The following FSTL4 variants were observed in gnomAD, a reference collection of about 807,000 sequenced individuals.
The protein encoded by FSTL4 is follistatin like 4, also known as follistatin-related protein 4.
Under a neutral mutation model 78.2 loss-of-function variants are expected in FSTL4, and 28 were observed. That is an observed-to-expected ratio of 0.36 (90% confidence interval 0.27 to 0.49). FSTL4 has a LOEUF of 0.49. FSTL4 is among the 20% of genes least tolerant of loss of function. The pLI is 0.98. For synonymous variants in FSTL4, 422 were observed against 440.5 expected (o/e 0.96, Z 0.53); for missense variants, 922 against 1,084.9 (o/e 0.85, Z 2.11).
Position 133,400,909 on chromosome 5 carries a change from T to A in FSTL4, c.238A>T (p.Arg80Trp), listed in dbSNP as rs770671021. The A allele has an allele frequency of 1.1e-5, 17 of 1,613,642 alleles. No individual in the cohort carries two copies. The African/African-American group carries it at 2.3e-4, about 22-fold the overall frequency. ...CSRGSRCVLSRKTGEPECQCL... is the reference protein window; with the variant it reads ...CSRGSRCVLSWKTGEPECQCL... ...TGGCATTCGGGCTCCCCTGTCTTCC[T>A]GCTGAGCACGCACCGGCTCCCTCGG... The change falls in exon 4 of 16, where the codon AGG becomes TGG. Residue 80 changes from arginine (R) to tryptophan (W), a missense_variant. Physicochemically the swap from Arg to Trp is moderately radical, Grantham distance 101 (BLOSUM62 -3). Coordinates refer to ENST00000265342, the MANE Select transcript of FSTL4 (RefSeq NM_015082.2).
At chr5:133,769,558 CA>C in the FSTL4 span, among the ~76,000 whole-genome samples, 1 of 152,172 alleles carries the variant, frequency 6.6e-6, no homozygotes, top group Non-Finnish European at 1.5e-5. Flanking sequence ...TCATCAGTGG[CA>C]AAGCTAGAGC....
chr5:133,349,097 G>A (rs970389214), intron 4 of FSTL4, among the ~76,000 whole-genome samples: 7 of 152,156 alleles, frequency 4.6e-5, no homozygotes, highest in African/African-American at 1.7e-4. Context: ...GTGTCCTCGT[G>A]AAAATAAATA....
chr5:133,467,564 C>T (rs1268456591), intron 3 of FSTL4, among the ~76,000 whole-genome samples: 2 of 152,168 alleles, frequency 1.3e-5, no homozygotes, highest in Non-Finnish European at 2.9e-5. Flanking sequence ...GTGACCTCAG[C>T]AGGGGCTGCT....
At chr5:133,330,585 C>T (rs1754321824) in intron 4 of FSTL4, among the ~76,000 whole-genome samples, 1 of 152,194 alleles carries the variant, frequency 6.6e-6, no homozygotes, top group African/African-American at 2.4e-5. Flanking sequence ...ACCTCCAACA[C>T]TGGGGATTGC....
At chr5:133,714,456 AG>A in the FSTL4 span, among the ~76,000 whole-genome samples, 1 of 152,236 alleles carries the variant, frequency 6.6e-6, no homozygotes, top group Non-Finnish European at 1.5e-5. Context: ...CGATCTCACC[AG>A]GAAGATGAGA....
chr5:133,331,308 T>A (rs1042037628), intron 4 of FSTL4, among the ~76,000 whole-genome samples: 3 of 152,092 alleles, frequency 2.0e-5, no homozygotes, highest in Non-Finnish European at 4.4e-5. Context: ...ATGGTGTTTT[T>A]CTCTCCTCTG....
At chr5:133,220,017 C>T (rs1751039647) in intron 12 of FSTL4, among the ~76,000 whole-genome samples, 1 of 152,230 alleles carries the variant, frequency 6.6e-6, no homozygotes, top group South Asian at 2.1e-4. Context: ...TGAGATATAC[C>T]AATAGCTAGC....
At chr5:133,403,000 C>G (rs894951953) in intron 3 of FSTL4, among the ~76,000 whole-genome samples, 1 of 152,214 alleles carries the variant, frequency 6.6e-6, no homozygotes, top group East Asian at 1.9e-4. Context: ...GCCCCCCACT[C>G]ACGGTGTTTA....
chr5:133,594,331 C>T (rs1345198905), intron 2 of FSTL4, among the ~76,000 whole-genome samples: 4 of 152,222 alleles, frequency 2.6e-5, no homozygotes, highest in Admixed American at 1.3e-4. Context: ...GCTGGGATTA[C>T]AGGTGTGTGC....
chr5:133,710,678 G>C, the FSTL4 span, among the ~76,000 whole-genome samples: 1 of 152,218 alleles, frequency 6.6e-6, no homozygotes, highest in Non-Finnish European at 1.5e-5. Context: ...TGGTTAAAAA[G>C]CATGACCCTG....
At chr5:133,204,852 A>ATC (rs1554095517) in intron 14 of FSTL4, among the ~76,000 whole-genome samples, 1 of 151,228 alleles carries the variant, frequency 6.6e-6, no homozygotes, top group Non-Finnish European at 1.5e-5. Context: ...AAAAAAAAAA[A>ATC]TCTTTCAGGC....
At chr5:133,321,131 G>A (rs926574414) in intron 4 of FSTL4, among the ~76,000 whole-genome samples, 2 of 152,014 alleles carry the variant, frequency 1.3e-5, no homozygotes, top group African/African-American at 4.8e-5. Flanking sequence ...CCACACAGGT[G>A]ACTACAAGAG....
At chr5:133,800,846 C>T in the FSTL4 span, among the ~76,000 whole-genome samples, 1 of 151,922 alleles carries the variant, frequency 6.6e-6, no homozygotes, top group Non-Finnish European at 1.5e-5. Flanking sequence ...TTAGAAGTCA[C>T]TTTTAAAAGG....
intron 4 of FSTL4, among the ~76,000 whole-genome samples, chr5:133,363,427 A>T (rs187122403): frequency 1.1e-3 from 162 of 152,020 alleles, no homozygotes; most frequent in African/African-American, 3.8e-3. Flanking sequence ...ACCCTTAATG[A>T]CTTTTCTTCT....
At chr5:133,701,509 A>ACACACACACACACACCC in the FSTL4 span, among the ~76,000 whole-genome samples, 7 of 132,696 alleles carry the variant, frequency 5.3e-5, no homozygotes, top group East Asian at 2.2e-4. Context: ...ACACACACAC[A>ACACACACACACACACCC]CCCCACAGGC....
intron 6 of FSTL4, among the ~76,000 whole-genome samples, chr5:133,280,607 C>T (rs1258129924): frequency 6.6e-6 from 1 of 152,196 alleles, no homozygotes; most frequent in Non-Finnish European, 1.5e-5. Context: ...AGGCTCCCCT[C>T]AGCTGCCTGG....
chr5:133,630,064 G>A, the FSTL4 span, among the ~76,000 whole-genome samples: 15 of 152,258 alleles, frequency 9.9e-5, no homozygotes, highest in African/African-American at 3.6e-4. Flanking sequence ...AAAGCTGGAA[G>A]CATTCCCTTT....
chr5:133,728,246 T>TGC, the FSTL4 span, among the ~76,000 whole-genome samples: 1 of 152,218 alleles, frequency 6.6e-6, no homozygotes, highest in African/African-American at 2.4e-5. Flanking sequence ...AGCAAATAAC[T>TGC]GTTGCATAGC....
chr5:133,508,571 T>C (rs570125238), intron 3 of FSTL4, among the ~76,000 whole-genome samples: 3 of 152,334 alleles, frequency 2.0e-5, no homozygotes, highest in East Asian at 1.9e-4. Flanking sequence ...CCACTGTACA[T>C]GCGGTCTGTT....
Sources: gnomAD v4.1 joint callset for allele counts (sites outside exome capture counted in the v4.1 genomes callset) on GRCh38, gnomAD v4.1.1 for gene constraint, MANE v1.5 for transcripts, NCBI Gene and HGNC (gene_info 2026-07-23, HGNC 2026-07-21) for gene names.